Variants in DAB1 observed in about 807,000 individuals in gnomAD.
The protein encoded by DAB1 is disabled homolog 1.
A neutral mutation model predicts 64.6 loss-of-function variants in DAB1; 15 were observed. The ratio of observed to expected loss-of-function variants is 0.23; its 90% CI spans 0.16 to 0.36. The LOEUF is 0.36. Ranked by LOEUF, DAB1 falls within the 10% of genes least tolerant of loss-of-function variation. The pLI is 1.00. For synonymous variants in DAB1, 235 were observed against 251.9 expected (o/e 0.93, Z 0.64); for missense variants, 596 against 706.7 (o/e 0.84, Z 1.78).
At chr1:57,468,144 A>G (rs1048604108) in intron 7 of DAB1, among the ~76,000 whole-genome samples, 1 of 152,126 alleles carries the variant, frequency 6.6e-6, no homozygotes, top group African/African-American at 2.4e-5. Context: ...ACCAAACTAC[A>G]TTTTTCTTGG....
At chr1:58,491,791 C>T (rs1645697038) in intron 3 of DAB1, among the ~76,000 whole-genome samples, 1 of 152,202 alleles carries the variant, frequency 6.6e-6, no homozygotes, top group South Asian at 2.1e-4. Context: ...TACAAAGTGA[C>T]TTAGACTCCC....
chr1:57,064,022 C>T (rs1650666650), intron 8 of DAB1, among the ~76,000 whole-genome samples: 1 of 152,206 alleles, frequency 6.6e-6, no homozygotes, highest in African/African-American at 2.4e-5. Context: ...GGCATAGTGC[C>T]TAACACCCAG....
At chr1:58,431,648 T>C (rs1172022985) in intron 3 of DAB1, among the ~76,000 whole-genome samples, 1 of 151,940 alleles carries the variant, frequency 6.6e-6, no homozygotes, top group African/African-American at 2.4e-5. Context: ...TTTACAAATA[T>C]CTAGATTTAC....
intron 9 of DAB1, among the ~76,000 whole-genome samples, chr1:57,044,627 CA>C (rs1490915146): frequency 6.6e-6 from 1 of 152,066 alleles, no homozygotes; most frequent in Non-Finnish European, 1.5e-5. Flanking sequence ...CCATAGATAC[CA>C]AAAGCAGAAA....
At chr1:58,055,594 T>G (rs1465281544) in intron 5 of DAB1, among the ~76,000 whole-genome samples, 3 of 152,270 alleles carry the variant, frequency 2.0e-5, no homozygotes, top group African/African-American at 7.2e-5. Context: ...TTTGCTTTGT[T>G]TACCACTATA....
chr1:57,222,474 C>T (rs968390556), intron 2 of DAB1, among the ~76,000 whole-genome samples: 5 of 152,012 alleles, frequency 3.3e-5, no homozygotes, highest in African/African-American at 1.2e-4. Context: ...GAACAGGGGG[C>T]TGGGGTGGAA....
chr1:57,569,561 C>G (rs1329078069), intron 7 of DAB1, among the ~76,000 whole-genome samples: 1 of 149,998 alleles, frequency 6.7e-6, no homozygotes, highest in East Asian at 2.0e-4. Context: ...AACACTCGGA[C>G]ACAGGAAGAG....
Position 56,994,789 on chromosome 1 carries a change from A to G in DAB1, c.*3355T>C, listed in dbSNP as rs901217984. On this transcript the variant is annotated 3_prime_UTR_variant, in exon 15 of 15. Transcript: ENST00000371236. The stretch of plus-strand genomic sequence containing the variant: ...AAGCCAGGCTAAAGTGTTGTTCTCA[A>G]ACATGTTTATTTGTAACAGTTTTAC... 3 of 152,224 alleles carry G rather than the reference A, an allele frequency of 2.0e-5. No homozygotes were observed. Among genetic ancestry groups the G allele is most frequent in the African/African-American group, 7.2e-5 (3 of 41,458 alleles). The allele number at this position is 152,224 out of a possible 1,614,324, so 9.4% of individuals were successfully genotyped here. A position where few individuals can be genotyped will look rare whatever the true frequency, so the allele number is the denominator to read the frequency against.
chr1:58,221,284 G>T (rs1377181656), intron 4 of DAB1, among the ~76,000 whole-genome samples: 1 of 152,142 alleles, frequency 6.6e-6, no homozygotes, highest in Non-Finnish European at 1.5e-5. Flanking sequence ...GAACTGATCT[G>T]CCCACTCGTT....
At chr1:57,845,698 G>T (rs1653249572) in intron 1 of DAB1, among the ~76,000 whole-genome samples, 1 of 152,112 alleles carries the variant, frequency 6.6e-6, no homozygotes, top group Non-Finnish European at 1.5e-5. Flanking sequence ...CCCTATAAAA[G>T]GTCATTCTCT....
At chr1:57,400,346 A>G (rs1254984238) in intron 1 of DAB1, among the ~76,000 whole-genome samples, 5 of 152,074 alleles carry the variant, frequency 3.3e-5, no homozygotes, top group African/African-American at 1.2e-4. Context: ...CACTCCCAAA[A>G]CCCATTACTG....
intron 7 of DAB1, among the ~76,000 whole-genome samples, chr1:57,473,430 C>T (rs146326284): frequency 6.6e-6 from 1 of 152,306 alleles, no homozygotes; most frequent in East Asian, 1.9e-4. Context: ...CTCTCCAGTG[C>T]AAGCTCCAGA....
At chr1:57,696,605 A>G (rs1646848864) in intron 6 of DAB1, among the ~76,000 whole-genome samples, 1 of 152,134 alleles carries the variant, frequency 6.6e-6, no homozygotes, top group Admixed American at 6.5e-5. Flanking sequence ...GAAAAGCATG[A>G]ATACCTCAAA....
At chr1:57,320,913 C>T (rs1169814670) in intron 1 of DAB1, among the ~76,000 whole-genome samples, 1 of 152,140 alleles carries the variant, frequency 6.6e-6, no homozygotes, top group Non-Finnish European at 1.5e-5. Context: ...AAATTTAAAT[C>T]CAAGCAGTCT....
intron 5 of DAB1, among the ~76,000 whole-genome samples, chr1:58,002,422 TC>T (rs1646520139): frequency 6.6e-6 from 1 of 152,212 alleles, no homozygotes; most frequent in Non-Finnish European, 1.5e-5. Context: ...AATACATTGT[TC>T]CATCTGCCCA....
chr1:57,279,953 A>T (rs1021879792), intron 2 of DAB1, among the ~76,000 whole-genome samples: 6 of 152,176 alleles, frequency 3.9e-5, no homozygotes, highest in African/African-American at 1.4e-4. Flanking sequence ...AGGCATTACT[A>T]TTGGAACCTG....
At chr1:58,029,465 G>T (rs1423812413) in intron 5 of DAB1, among the ~76,000 whole-genome samples, 3 of 152,180 alleles carry the variant, frequency 2.0e-5, no homozygotes, top group Non-Finnish European at 4.4e-5. Context: ...ACGAACAGGG[G>T]TGTTGTCTCA....
intron 1 of DAB1, among the ~76,000 whole-genome samples, chr1:57,393,890 T>A (rs1380621547): frequency 8.5e-5 from 13 of 152,058 alleles, no homozygotes; most frequent in Admixed American, 8.5e-4. Context: ...CAGAAAAAGG[T>A]TCACTGACCC....
intron 1 of DAB1, among the ~76,000 whole-genome samples, chr1:57,363,816 T>G (rs1679748077): frequency 6.6e-6 from 1 of 151,760 alleles, no homozygotes; most frequent in East Asian, 1.9e-4. Context: ...CAGCTGATAT[T>G]TGTTTGTGGC....
Sources: allele counts gnomAD v4.1 joint callset (sites outside exome capture counted in the v4.1 genomes callset), GRCh38; gene constraint gnomAD v4.1.1; transcripts MANE v1.5; gene names NCBI Gene and HGNC (gene_info 2026-07-23, HGNC 2026-07-21).